The following ASTN2 variants were observed in gnomAD, a reference collection of about 807,000 sequenced individuals.
ASTN2 encodes astrotactin-2.
In ASTN2, 54 loss-of-function variants were observed where a neutral mutation model predicts 139.8. The observed-to-expected ratio is 0.39, with a 90% confidence interval of 0.31 to 0.48. ASTN2 has a LOEUF of 0.48. ASTN2 is among the 20% of genes least tolerant of loss of function. ASTN2 has a pLI of 0.95. For synonymous variants in ASTN2, 756 were observed against 719.5 expected (o/e 1.05, Z -0.81); for missense variants, 1,565 against 1,725.1 (o/e 0.91, Z 1.64).
intron 16 of ASTN2, among the ~76,000 whole-genome samples, chr9:116,666,483 T>C (rs1858869810): frequency 6.6e-6 from 1 of 152,198 alleles, no homozygotes; most frequent in African/African-American, 2.4e-5. Flanking sequence ...TTACCATTAT[T>C]ACAAATCTAA....
At chr9:116,674,786 G>A (rs1859404504) in intron 16 of ASTN2, among the ~76,000 whole-genome samples, 1 of 152,076 alleles carries the variant, frequency 6.6e-6, no homozygotes, top group Admixed American at 6.5e-5. Context: ...TCAGTGCAAG[G>A]AGACAGCTTC....
chr9:116,750,698 T>C (rs1180081000), intron 13 of ASTN2, among the ~76,000 whole-genome samples: 1 of 152,188 alleles, frequency 6.6e-6, no homozygotes, highest in Non-Finnish European at 1.5e-5. Context: ...TCTTGCATAT[T>C]CCTTCTTATT....
intron 13 of ASTN2, among the ~76,000 whole-genome samples, chr9:116,771,670 T>C (rs1282605824): frequency 6.6e-6 from 1 of 152,186 alleles, no homozygotes; most frequent in Non-Finnish European, 1.5e-5. Flanking sequence ...TTCCATTATA[T>C]TTAGAGTGAA....
At chr9:117,328,985 C>G (rs1324863398) in intron 1 of ASTN2, among the ~76,000 whole-genome samples, 1 of 152,100 alleles carries the variant, frequency 6.6e-6, no homozygotes, top group Non-Finnish European at 1.5e-5. Context: ...TAAGGAAAGC[C>G]TGGACTTCTA....
At chr9:116,577,676 G>A (rs1330796069) in intron 19 of ASTN2, among the ~76,000 whole-genome samples, 1 of 152,210 alleles carries the variant, frequency 6.6e-6, no homozygotes, top group Non-Finnish European at 1.5e-5. Context: ...CTTAGTTTAT[G>A]CCAAGTGCTG....
chr9:117,006,716 C>A (rs891224127), intron 7 of ASTN2, among the ~76,000 whole-genome samples: 4 of 152,122 alleles, frequency 2.6e-5, no homozygotes, highest in African/African-American at 4.8e-5. Flanking sequence ...TTATAGTATA[C>A]AAGGCCCTGA....
chr9:117,079,277 G>A (rs1051159933), intron 5 of ASTN2, among the ~76,000 whole-genome samples: 1 of 152,122 alleles, frequency 6.6e-6, no homozygotes, highest in African/African-American at 2.4e-5. Context: ...GATTGCCTGA[G>A]GCTGGGAGGT....
intron 3 of ASTN2, among the ~76,000 whole-genome samples, chr9:117,206,941 G>A (rs971659898): frequency 5.3e-5 from 8 of 152,150 alleles, no homozygotes; most frequent in South Asian, 2.1e-4. Flanking sequence ...ATAGTTCTAC[G>A]CCCCCTAAAA....
At position 117,160,752 on chromosome 9, in the gene ASTN2, G is replaced by A. The variant is rs4457407; in HGVS notation, c.1016-19274C>T. On this transcript the variant is annotated intron_variant, in intron 3 of 22. Transcript: ENST00000313400. ...TGAAATGCAAGGTGTGCAAACCCCAGCTTATAAATATCCTGTATATGTAAC... is the reference window on the plus strand; with the variant it reads ...TGAAATGCAAGGTGTGCAAACCCCAACTTATAAATATCCTGTATATGTAAC... Among the ~76,000 whole-genome samples, 637 of 151,976 alleles carry A rather than the reference G, an allele frequency of 4.2e-3. 3 individuals are homozygous for A. Among genetic ancestry groups the A allele is most frequent in the Middle Eastern group, 0.017 (5 of 294 alleles).
intron 10 of ASTN2, among the ~76,000 whole-genome samples, chr9:116,954,163 A>G (rs1337624675): frequency 6.6e-6 from 1 of 152,236 alleles, no homozygotes; most frequent in Admixed American, 6.5e-5. Flanking sequence ...CCCATGATAT[A>G]GCATCATTAT....
intron 19 of ASTN2, among the ~76,000 whole-genome samples, chr9:116,561,202 T>C (rs1588003801): frequency 6.6e-6 from 1 of 152,264 alleles, no homozygotes; most frequent in East Asian, 1.9e-4. Context: ...TCTAATCTGG[T>C]ATGCATCGTG....
At chr9:116,650,570 T>C (rs575358487) in intron 17 of ASTN2, among the ~76,000 whole-genome samples, 1 of 152,266 alleles carries the variant, frequency 6.6e-6, no homozygotes, top group African/African-American at 2.4e-5. Context: ...AGCAATTTCA[T>C]ATGAATCGAA....
intron 4 of ASTN2, among the ~76,000 whole-genome samples, chr9:117,122,736 G>A (rs542982022): frequency 5.4e-4 from 82 of 152,260 alleles, no homozygotes; most frequent in Middle Eastern, 3.4e-3. Flanking sequence ...CTACGGCTGT[G>A]TTCATTGCTG....
At chr9:116,801,100 G>A (rs1830833788) in intron 13 of ASTN2, among the ~76,000 whole-genome samples, 1 of 152,150 alleles carries the variant, frequency 6.6e-6, no homozygotes, top group Admixed American at 6.5e-5. Flanking sequence ...ACGGCTGGTG[G>A]CAGTACTTGC....
intron 2 of ASTN2, among the ~76,000 whole-genome samples, chr9:117,219,474 C>T (rs1832443203): frequency 6.6e-6 from 1 of 152,102 alleles, no homozygotes; most frequent in African/African-American, 2.4e-5. Flanking sequence ...GGCGAAATCT[C>T]CAAGGGTGAC....
Position 117,048,963 on chromosome 9 carries a change from C to CTT in ASTN2, c.1277-9000_1277-8999dup, listed in dbSNP as rs372277811. On this transcript the variant is annotated intron_variant, in intron 5 of 22. Transcript: ENST00000313400. The stretch of plus-strand genomic sequence containing the variant: ...GTGCGCTCTGATTCTTCATCCATTG[C>CTT]TTTTTTTTTTTTTTTTTGAGACGGA... Among the ~76,000 whole-genome samples, 105 of 89,030 alleles carry CTT rather than the reference C, an allele frequency of 1.2e-3. 4 individuals carry two copies. The highest frequency in any genetic ancestry group is 8.5e-3 in the Middle Eastern group (1 of 118). The allele number at this position is 89,030 out of a possible 152,430, so 58.4% of individuals were successfully genotyped here. A position where few individuals can be genotyped will look rare whatever the true frequency, so the allele number is the denominator to read the frequency against.
chr9:116,786,405 T>C (rs929343814), intron 13 of ASTN2, among the ~76,000 whole-genome samples: 2 of 152,224 alleles, frequency 1.3e-5, no homozygotes, highest in African/African-American at 4.8e-5. Context: ...ATTGTCTTCC[T>C]GGTTTCCTAG....
chr9:117,379,649 A>T (rs1002674369), intron 1 of ASTN2, among the ~76,000 whole-genome samples: 1 of 152,216 alleles, frequency 6.6e-6, no homozygotes, highest in Non-Finnish European at 1.5e-5. Flanking sequence ...GTGTCCAAGG[A>T]TGAATAAGAT....
chr9:117,183,821 C>A (rs754618764), intron 3 of ASTN2, among the ~76,000 whole-genome samples: 1 of 152,208 alleles, frequency 6.6e-6, no homozygotes, highest in African/African-American at 2.4e-5. Flanking sequence ...CACATCCATG[C>A]ATAGAGAGCT....
Sources: gnomAD v4.1 joint callset for allele counts (sites outside exome capture counted in the v4.1 genomes callset) on GRCh38, gnomAD v4.1.1 for gene constraint, MANE v1.5 for transcripts, NCBI Gene and HGNC (gene_info 2026-07-23, HGNC 2026-07-21) for gene names.